The following SPMIP7 variants were observed in gnomAD, a reference collection of about 807,000 sequenced individuals.
SPMIP7 encodes protein SPMIP7.
At chr7:50,131,637 G>A in the SPMIP7 span, among the ~76,000 whole-genome samples, 2 of 152,146 alleles carry the variant, frequency 1.3e-5, no homozygotes, top group East Asian at 1.9e-4. Context: ...AGACTGAAAC[G>A]GAGCAACCAG....
chr7:50,114,428 T>C, the SPMIP7 span, among the ~76,000 whole-genome samples: 1 of 152,144 alleles, frequency 6.6e-6, no homozygotes, highest in Non-Finnish European at 1.5e-5. Context: ...TGAAATGATA[T>C]ATTATTATCC....
chr7:50,134,769 G>A, the SPMIP7 span, among the ~76,000 whole-genome samples: 3 of 152,274 alleles, frequency 2.0e-5, no homozygotes, highest in Non-Finnish European at 2.9e-5. Context: ...TTATTTCCGA[G>A]TGTCAAGAAG....
the SPMIP7 span, among the ~76,000 whole-genome samples, chr7:50,122,781 G>A: frequency 1.2e-4 from 18 of 152,122 alleles, no homozygotes; most frequent in African/African-American, 4.3e-4. Context: ...CTTCTCAAAA[G>A]AAGACATTTA....
chr7:50,146,428 C>A, the SPMIP7 span, among the ~76,000 whole-genome samples: 3 of 152,118 alleles, frequency 2.0e-5, no homozygotes, highest in African/African-American at 7.2e-5. Flanking sequence ...TTTCTACATT[C>A]CCTCCTAAAT....
chr7:50,140,795 C>T, the SPMIP7 span, among the ~76,000 whole-genome samples: 3 of 152,184 alleles, frequency 2.0e-5, no homozygotes, highest in African/African-American at 7.2e-5. Context: ...CCAGTGGCCC[C>T]AGAAGTCCTT....
the SPMIP7 span, among the ~76,000 whole-genome samples, chr7:50,156,937 C>T: frequency 6.6e-6 from 1 of 152,166 alleles, no homozygotes; most frequent in Admixed American, 6.5e-5. Flanking sequence ...TGCCTCCTGC[C>T]TTCACTTCCT....
the SPMIP7 span, among the ~76,000 whole-genome samples, chr7:50,121,793 A>T: frequency 6.6e-6 from 1 of 151,724 alleles, no homozygotes; most frequent in Admixed American, 6.6e-5. Context: ...AGCTAGGATT[A>T]CAGGCACTTG....
the SPMIP7 span, among the ~76,000 whole-genome samples, chr7:50,111,600 C>T: frequency 1.5e-4 from 23 of 152,160 alleles, no homozygotes; most frequent in African/African-American, 4.3e-4. Flanking sequence ...CACATGCAAA[C>T]TTCGAGCATA....
the SPMIP7 span, among the ~76,000 whole-genome samples, chr7:50,098,291 T>A: frequency 3.9e-5 from 6 of 152,188 alleles, no homozygotes; most frequent in Non-Finnish European, 8.8e-5. Context: ...TTGTCTCTCT[T>A]TATCATCTAC....
At chr7:50,127,991 A>G in the SPMIP7 span, among the ~76,000 whole-genome samples, 610 of 152,124 alleles carry the variant, frequency 4.0e-3, 3 homozygotes, top group African/African-American at 0.014. Flanking sequence ...GGAAAACAAT[A>G]TATCGAAAAG....
At chr7:50,143,950 C>T in the SPMIP7 span, among the ~76,000 whole-genome samples, 1 of 152,112 alleles carries the variant, frequency 6.6e-6, no homozygotes, top group Non-Finnish European at 1.5e-5. Context: ...ACTGTAACTG[C>T]CTCATTCACT....
At chr7:50,097,092 C>T in the SPMIP7 span, among the ~76,000 whole-genome samples, 5 of 152,178 alleles carry the variant, frequency 3.3e-5, no homozygotes, top group African/African-American at 1.2e-4. Flanking sequence ...AGAACAGAAG[C>T]TGAAATGAAG....
chr7:50,133,750 G>A, the SPMIP7 span, among the ~76,000 whole-genome samples: 2 of 152,048 alleles, frequency 1.3e-5, no homozygotes, highest in Non-Finnish European at 2.9e-5. Flanking sequence ...TTTCTTCAAG[G>A]GCAGACAAAG....
At chr7:50,135,976 G>A in the SPMIP7 span, 93 of 682,120 alleles carry the variant, frequency 1.4e-4, no homozygotes, top group African/African-American at 9.1e-4. Context: ...TGGAGAGTGC[G>A]TTTCCTAGGG....
chr7:50,104,619 A>C, the SPMIP7 span, among the ~76,000 whole-genome samples: 2 of 152,136 alleles, frequency 1.3e-5, no homozygotes, highest in African/African-American at 4.8e-5. Context: ...CCATTCCCAC[A>C]ATACCATGGG....
chr7:50,101,305 A>T, the SPMIP7 span, among the ~76,000 whole-genome samples: 13 of 152,302 alleles, frequency 8.5e-5, no homozygotes, highest in African/African-American at 3.1e-4. Context: ...AGACCAACCT[A>T]TGCCCACAGA....
At chr7:50,125,353 C>A in the SPMIP7 span, among the ~76,000 whole-genome samples, 1 of 142,884 alleles carries the variant, frequency 7.0e-6, no homozygotes, top group Non-Finnish European at 1.5e-5. Flanking sequence ...TATATACACA[C>A]ATATATATAC....
At chr7:50,146,758 C>G in the SPMIP7 span, among the ~76,000 whole-genome samples, 1 of 152,248 alleles carries the variant, frequency 6.6e-6, no homozygotes, top group Non-Finnish European at 1.5e-5. Context: ...AAAGTCCAAG[C>G]CTGGAATTTA....
the SPMIP7 span, chr7:50,151,367 A>G: frequency 9.4e-7 from 1 of 1,064,540 alleles, no homozygotes; most frequent in South Asian, 1.5e-5. Flanking sequence ...TATTTTTCAT[A>G]TTTGGGTGCT....
Sources: gnomAD v4.1 joint callset for allele counts (sites outside exome capture counted in the v4.1 genomes callset) on GRCh38, gnomAD v4.1.1 for gene constraint, MANE v1.5 for transcripts, NCBI Gene and HGNC (gene_info 2026-07-23, HGNC 2026-07-21) for gene names.